The following KIAA1217 variants were observed in gnomAD, a reference collection of about 807,000 sequenced individuals.
KIAA1217 encodes the protein KIAA1217, also known as sickle tail protein homolog.
In KIAA1217, 88 loss-of-function variants were observed where a neutral mutation model predicts 163.9. The observed-to-expected ratio is 0.54, with a 90% CI of 0.45 to 0.64. The LOEUF (loss-of-function observed/expected upper bound fraction) is 0.64, where lower values mean the gene tolerates loss of function less well. KIAA1217 is among the 30% of genes least tolerant of loss of function. The probability of loss-of-function intolerance (pLI) is 0.00; values close to 1 mark genes in which losing one functional copy is unlikely to be tolerated. For synonymous variants in KIAA1217, 903 were observed against 923.1 expected (o/e 0.98, Z 0.39); for missense variants, 2,372 against 2,475.0 (o/e 0.96, Z 0.88).
At chr10:24,264,765 TTC>T (rs55761615) in intron 2 of KIAA1217, among the ~76,000 whole-genome samples, 33,533 of 131,594 alleles carry the variant, frequency 0.25, 3,140 homozygotes, top group Middle Eastern at 0.27. Context: ...CGGTCGGTCT[TTC>T]TCTCTCTCTC....
chr10:24,212,841 A>G (rs1292164206), intron 1 of KIAA1217, among the ~76,000 whole-genome samples: 1 of 152,200 alleles, frequency 6.6e-6, no homozygotes, highest in Non-Finnish European at 1.5e-5. Context: ...CTAACAGAGC[A>G]CTGGGCAACC....
intron 1 of KIAA1217, among the ~76,000 whole-genome samples, chr10:23,839,704 G>A (rs1838677325): frequency 6.6e-6 from 1 of 152,108 alleles, no homozygotes; most frequent in South Asian, 2.1e-4. Context: ...TCCAGAAGTG[G>A]TGCAAGAAAA....
chr10:24,422,659 A>G (rs1482290255), intron 3 of KIAA1217, among the ~76,000 whole-genome samples: 3 of 152,228 alleles, frequency 2.0e-5, no homozygotes, highest in Non-Finnish European at 2.9e-5. Context: ...AGAAATCATC[A>G]ATTGATTCTT....
intron 1 of KIAA1217, among the ~76,000 whole-genome samples, chr10:23,829,188 A>G (rs1838055842): frequency 6.6e-6 from 1 of 152,206 alleles, no homozygotes; most frequent in African/African-American, 2.4e-5. Flanking sequence ...GGCTGTAGGA[A>G]GATTATGATT....
At chr10:23,820,394 C>T (rs1225059187) in intron 1 of KIAA1217, among the ~76,000 whole-genome samples, 1 of 152,186 alleles carries the variant, frequency 6.6e-6, no homozygotes, top group Non-Finnish European at 1.5e-5. Flanking sequence ...AATCCACTTG[C>T]TATGATAACA....
intron 1 of KIAA1217, among the ~76,000 whole-genome samples, chr10:23,702,196 T>C (rs1312638089): frequency 1.3e-5 from 2 of 151,392 alleles, no homozygotes; most frequent in African/African-American, 2.5e-5. Context: ...GTAAAAGAGA[T>C]GCAGACAGTA....
rs531620438 is a variant in KIAA1217, at chr10:24,063,980, C to T, written c.-171+56606C>T. On this transcript the variant is annotated intron_variant, in intron 2 of 18. Coordinates refer to the KIAA1217 transcript ENST00000376462. The stretch of plus-strand genomic sequence containing the variant: ...TGTATAAGAATGCTTGTGATTTTTG[C>T]ACATTGATTTTGTATCCTGAGACTT... Among the ~76,000 whole-genome samples the T allele has an allele frequency of 5.0e-3, 762 of 152,206 alleles. 3 individuals are homozygous for T. Among genetic ancestry groups the T allele is most frequent in the African/African-American group, 0.017 (699 of 41,528 alleles).
intron 2 of KIAA1217, among the ~76,000 whole-genome samples, chr10:24,143,404 T>A (rs1280893830): frequency 6.6e-6 from 1 of 152,026 alleles, no homozygotes; most frequent in Non-Finnish European, 1.5e-5. Context: ...GTAGCTAGGA[T>A]TACAGGCGTG....
chr10:23,848,366 G>A (rs554038658), intron 1 of KIAA1217, among the ~76,000 whole-genome samples: 1 of 151,818 alleles, frequency 6.6e-6, no homozygotes, highest in Non-Finnish European at 1.5e-5. Flanking sequence ...TTTGTAGTCT[G>A]TAAGAATTTG....
chr10:24,151,874 G>A (rs915126055), intron 2 of KIAA1217, among the ~76,000 whole-genome samples: 1 of 152,108 alleles, frequency 6.6e-6, no homozygotes, highest in Admixed American at 6.5e-5. Context: ...CACACAGCTG[G>A]TTAGTGGCAA....
intron 2 of KIAA1217, among the ~76,000 whole-genome samples, chr10:24,350,511 T>C (rs1398205829): frequency 6.6e-6 from 1 of 152,232 alleles, no homozygotes. Context: ...GTGTTGATTA[T>C]CTGCTTTTGA....
At chr10:23,994,718 C>T (rs187396934) in intron 1 of KIAA1217, among the ~76,000 whole-genome samples, 5 of 152,198 alleles carry the variant, frequency 3.3e-5, no homozygotes, top group Non-Finnish European at 5.9e-5. Context: ...CAAATCCGAA[C>T]CATACAACTT....
intron 1 of KIAA1217, among the ~76,000 whole-genome samples, chr10:24,001,697 C>T (rs1352868966): frequency 6.6e-6 from 1 of 152,088 alleles, no homozygotes; most frequent in Admixed American, 6.5e-5. Flanking sequence ...AGTATGAAGG[C>T]GGTGTTTGCA....
At chr10:24,063,571 C>T (rs1365411324) in intron 2 of KIAA1217, among the ~76,000 whole-genome samples, 16 of 152,192 alleles carry the variant, frequency 1.1e-4, no homozygotes, top group African/African-American at 3.6e-4. Context: ...AGTTAGGTAG[C>T]GTGATGCCTC....
At chr10:24,545,232 G>GT in intron 20 of KIAA1217, 129 bp downstream of exon 20, 1 of 1,456,872 alleles carries the variant, frequency 6.9e-7, no homozygotes, top group South Asian at 1.5e-5. Context: ...GGATCTGGGG[G>GT]CATGAAGAAA....
At chr10:23,846,957 T>G (rs1250194663) in intron 1 of KIAA1217, among the ~76,000 whole-genome samples, 1 of 152,158 alleles carries the variant, frequency 6.6e-6, no homozygotes, top group East Asian at 1.9e-4. Flanking sequence ...GATGTTGAAT[T>G]TTGTCAAAGG....
At chr10:24,469,850 G>C (rs919137356) in intron 5 of KIAA1217, among the ~76,000 whole-genome samples, 2 of 152,146 alleles carry the variant, frequency 1.3e-5, no homozygotes, top group Non-Finnish European at 2.9e-5. Context: ...GACCTCAAGT[G>C]ATCCGCCTGC....
chr10:24,504,039 T>A (rs2068021702), intron 9 of KIAA1217, among the ~76,000 whole-genome samples: 1 of 152,342 alleles, frequency 6.6e-6, no homozygotes, highest in East Asian at 1.9e-4. Flanking sequence ...GCTCTCTTGA[T>A]GTCTGTAGCT....
intron 1 of KIAA1217, among the ~76,000 whole-genome samples, chr10:23,724,238 A>T (rs1838015591): frequency 6.6e-6 from 1 of 152,100 alleles, no homozygotes; most frequent in African/African-American, 2.4e-5. Flanking sequence ...GATCCAAACT[A>T]TATCACCTTG....
Sources: allele counts gnomAD v4.1 joint callset (sites outside exome capture counted in the v4.1 genomes callset), GRCh38; gene constraint gnomAD v4.1.1; transcripts MANE v1.5; gene names NCBI Gene and HGNC (gene_info 2026-07-23, HGNC 2026-07-21).